The following ZC3H3 variants were observed in gnomAD, a reference collection of about 807,000 sequenced individuals.
The protein encoded by ZC3H3 is zinc finger CCCH domain-containing protein 3.
A neutral mutation model predicts 77.3 loss-of-function variants in ZC3H3; 36 were observed. The observed-to-expected ratio is 0.47, with a 90% CI of 0.36 to 0.61. The LOEUF (loss-of-function observed/expected upper bound fraction) is 0.61, where lower values mean the gene tolerates loss of function less well. Among genes scored for constraint, ZC3H3 ranks in the 20% least tolerant of loss-of-function variants. The pLI is 0.00. For synonymous variants in ZC3H3, 626 were observed against 555.2 expected (o/e 1.13, Z -1.79); for missense variants, 1,331 against 1,312.2 (o/e 1.01, Z -0.22).
intron 4 of ZC3H3, among the ~76,000 whole-genome samples, chr8:143,478,535 G>A (rs992509505): frequency 2.6e-5 from 4 of 152,218 alleles, no homozygotes; most frequent in African/African-American, 7.2e-5. Flanking sequence ...TTGAGATGGA[G>A]TTTTGCTCTT....
rs1364634336 is a variant in ZC3H3 at position 143,536,488 on chromosome 8, C to T, written c.1365-35G>A. On this transcript the variant is annotated intron_variant, in intron 2 of 11. Coordinates refer to ENST00000262577, the MANE Select transcript of ZC3H3 (RefSeq NM_015117.3). Reference sequence around the variant, plus strand: ...CAAAATACAGGCAGCTCTCAACAAGCCCTGGGGGTTCTGCCCACCCACCCT... The same window carrying T: ...CAAAATACAGGCAGCTCTCAACAAGTCCTGGGGGTTCTGCCCACCCACCCT... The T allele has an allele frequency of 2.1e-6, 3 of 1,456,746 alleles. No individual in the cohort carries two copies. The African/African-American group carries it at 4.3e-5, about 21-fold the overall frequency. The allele number at this position is 1,456,746 out of a possible 1,614,324, so 90.2% of individuals were successfully genotyped here. A position where few individuals can be genotyped will look rare whatever the true frequency, so the allele number is the denominator to read the frequency against.
At chr8:143,507,186 C>G (rs552848417) in intron 4 of ZC3H3, among the ~76,000 whole-genome samples, 1 of 152,240 alleles carries the variant, frequency 6.6e-6, no homozygotes, top group African/African-American at 2.4e-5. Context: ...GATAGCGGCC[C>G]CAGGAGGGCA....
intron 2 of ZC3H3, 89 bp from the exon 3 acceptor site, chr8:143,536,542 G>A: frequency 2.2e-6 from 3 of 1,339,844 alleles, no homozygotes; most frequent in South Asian, 1.5e-5. Flanking sequence ...GAGCGTGGGA[G>A]CAGCTCCTGA....
intron 4 of ZC3H3, among the ~76,000 whole-genome samples, chr8:143,484,046 C>T (rs1055705673): frequency 8.5e-5 from 13 of 152,232 alleles, no homozygotes; most frequent in South Asian, 6.2e-4. Flanking sequence ...CGGCCAGGGG[C>T]GCCATGAGGG....
chr8:143,475,332 C>T, intron 5 of ZC3H3, 66 bp downstream of exon 5: 2 of 1,535,044 alleles, frequency 1.3e-6, no homozygotes, highest in Non-Finnish European at 1.8e-6. Context: ...GGGGTCTGGC[C>T]TGCAATGCCC....
At chr8:143,446,833 C>G (rs545951390) in intron 9 of ZC3H3, among the ~76,000 whole-genome samples, 336 of 152,366 alleles carry the variant, frequency 2.2e-3, no homozygotes, top group Non-Finnish European at 3.7e-3. Flanking sequence ...CCTCTGGGGC[C>G]TGGACTGGGG....
chr8:143,468,249 T>C lies in ZC3H3; in HGVS notation c.2135A>G (p.Asp712Gly), dbSNP rs763817631. Residue 712 changes from aspartate to glycine, a missense_variant, in exon 8 of 12, where the codon GAT becomes GGT. Around this residue, in one of 3 missense-constraint regions of ZC3H3, gnomAD observed 104 missense variants for 159.7 expected, o/e 0.65. Transcript: ENST00000262577. ...RFVRGTCKKT[D>G]GTCPFSHHVS... ...ATGGTGGGAGAAGGGGCAGGTCCCA[T>C]CCGTTTTCTTGCAGGTGCCCCGGAC... 1.9e-6 allele frequency: 3 copies of C among 1,613,010 alleles called. No homozygotes were observed. Among genetic ancestry groups the C allele is most frequent in the East Asian group, 4.5e-5 (2 of 44,846 alleles).
intron 9 of ZC3H3, among the ~76,000 whole-genome samples, chr8:143,447,815 G>A (rs1424712480): frequency 2.0e-5 from 3 of 152,176 alleles, no homozygotes; most frequent in Admixed American, 6.5e-5. Context: ...AACAGGACTC[G>A]GGGGATGGTG....
In ZC3H3 at chr8:143,490,178, G is replaced by A. The variant is rs116751977; in HGVS notation, c.1716-14593C>T. ...TGGGAGCCTCCCCAGCAGGTGGGTG[G>A]GGCTGCACAGTGCTCAGCAGCTGGG... is the stretch of plus-strand genomic sequence containing the variant. On this transcript the variant is annotated intron_variant, in intron 4 of 11. Coordinates refer to ENST00000262577, the MANE Select transcript of ZC3H3 (RefSeq NM_015117.3). Among the ~76,000 whole-genome samples, 956 of 152,340 alleles carry A rather than the reference G, an allele frequency of 6.3e-3. 5 individuals are homozygous for A. Among genetic ancestry groups the A allele is most frequent in the African/African-American group, 0.022 (896 of 41,574 alleles).
chr8:143,504,640 C>G (rs1180955255), intron 4 of ZC3H3, among the ~76,000 whole-genome samples: 2 of 152,164 alleles, frequency 1.3e-5, no homozygotes, highest in Non-Finnish European at 2.9e-5. Context: ...CTGCGCTGCC[C>G]CCAACTACAC....
chr8:143,537,945 CCAAA>C, intron 2 of ZC3H3, 54 bp downstream of exon 2: 5 of 1,485,314 alleles, frequency 3.4e-6, no homozygotes, highest in South Asian at 1.3e-5. Flanking sequence ...ATTAGGGGTG[CCAAA>C]CAAACCCTCC....
At chr8:143,442,825 C>T (rs1324999257) in intron 9 of ZC3H3, among the ~76,000 whole-genome samples, 3 of 152,220 alleles carry the variant, frequency 2.0e-5, no homozygotes, top group African/African-American at 7.2e-5. Context: ...TTAAATAAAA[C>T]ATGATTCCAT....
intron 5 of ZC3H3, among the ~76,000 whole-genome samples, chr8:143,474,226 C>T (rs1243465372): frequency 6.6e-6 from 1 of 150,868 alleles, no homozygotes; most frequent in Non-Finnish European, 1.5e-5. Context: ...AGGAAGGGAC[C>T]CAGGGCTTCT....
At position 143,475,455 on chromosome 8, in the gene ZC3H3, G is replaced by A; in HGVS notation, c.1846C>T (p.Leu616Phe). 1 of 1,613,250 alleles carries A rather than the reference G, an allele frequency of 6.2e-7. No individual in the cohort carries two copies. Among genetic ancestry groups the A allele is most frequent in the Non-Finnish European group, 8.5e-7 (1 of 1,179,976 alleles). The stretch of plus-strand genomic sequence containing the variant: ...CTGGGCTGGCCGGAGGTCTTGGAGA[G>A]CTTGTTGGCAGATACTTTGTAGAGG... ...GVLYKVSANK[L>F]SKTSGQPSDA... Residue 616 changes from leucine (L) to phenylalanine (F), a missense_variant, in exon 5 of 12, where the codon CTC becomes TTC. By Grantham distance (22) the Leu-to-Phe change is conservative. Transcript: ENST00000262577.
chr8:143,502,720 T>C (rs569281150), intron 4 of ZC3H3, among the ~76,000 whole-genome samples: 11 of 152,362 alleles, frequency 7.2e-5, no homozygotes, highest in African/African-American at 2.6e-4. Flanking sequence ...TTCAGATTAA[T>C]GAACTTGCTG....
At chr8:143,473,211 C>T (rs959324086) in intron 5 of ZC3H3, among the ~76,000 whole-genome samples, 2 of 152,160 alleles carry the variant, frequency 1.3e-5, no homozygotes, top group African/African-American at 4.8e-5. Flanking sequence ...CCCATCTCCT[C>T]CCCCTGCTGG....
At position 143,539,071 on chromosome 8, in the gene ZC3H3, C is replaced by G. The variant is rs757255382; in HGVS notation, c.296G>C (p.Arg99Pro). ...DHAVRPLHGA[R>P]GGQPPVPQQH... ...CTGCGGGACAGGAGGCTGGCCCCCC[C>G]GGGCCCCGTGCAACGGCCGCACAGC... is the stretch of plus-strand genomic sequence containing the variant. Residue 99 changes from arginine to proline, a missense_variant, in exon 2 of 12, where the codon CGG (arginine) becomes CCG (proline). Transcript: ENST00000262577. 1.4e-5 allele frequency: 23 copies of G among 1,612,838 alleles called. No homozygotes were observed. The highest frequency in any genetic ancestry group is 3.3e-5 in the South Asian group (3 of 91,090).
Position 143,539,183 on chromosome 8 carries a change from A to G in ZC3H3, c.184T>C (p.Tyr62His). Residue 62 changes from tyrosine (Y) to histidine (H), a missense_variant, in exon 2 of 12, where the codon TAC (tyrosine) becomes CAC (histidine). By Grantham distance (83) the Tyr-to-His change is moderately conservative. Around this residue, in one of 3 missense-constraint regions of ZC3H3, gnomAD observed 978 missense variants for 915.5 expected, o/e 1.07. Coordinates refer to ENST00000262577, the MANE Select transcript of ZC3H3 (RefSeq NM_015117.3). ...CACGAAGGCCCATGGTGGGAAGAGT[A>G]GCCCCTCCGGCTTGGACGAGGGTAG... ...ARYPRPSRRGYSSHHGPSWRK... is the reference protein window; with the variant it reads ...ARYPRPSRRGHSSHHGPSWRK... The G allele has an allele frequency of 6.2e-7, 1 of 1,612,968 alleles. No individual in the cohort carries two copies. Among genetic ancestry groups the G allele is most frequent in the South Asian group, 1.1e-5 (1 of 91,082 alleles).
intron 3 of ZC3H3, among the ~76,000 whole-genome samples, chr8:143,531,010 A>C (rs1291374954): frequency 1.4e-5 from 2 of 140,970 alleles, no homozygotes; most frequent in Admixed American, 1.5e-4. Flanking sequence ...CCCAGGTTGC[A>C]GTGCAGTGGT....
Sources: gnomAD v4.1 joint callset for allele counts (sites outside exome capture counted in the v4.1 genomes callset) on GRCh38, gnomAD v4.1.1 for gene constraint, gnomAD v4.1.1 regional missense constraint, MANE v1.5 for transcripts, NCBI Gene and HGNC (gene_info 2026-07-23, HGNC 2026-07-21) for gene names.